Variants in TCF12 observed in about 807,000 individuals in gnomAD.
The protein encoded by TCF12 is DNA-binding protein HTF4.
In TCF12, 45 loss-of-function variants were observed where a neutral mutation model predicts 86.0. The observed-to-expected ratio is 0.52, with a 90% CI of 0.41 to 0.67. TCF12 has a LOEUF of 0.67. TCF12 is among the 30% of genes least tolerant of loss of function. The pLI, the probability that TCF12 is intolerant of heterozygous loss-of-function variation, is 0.00. For missense variants in TCF12, 881 were observed against 859.9 expected (o/e 1.02, Z -0.31); for synonymous variants, 330 against 299.6 (o/e 1.10, Z -1.05).
chr15:57,160,674 G>A (rs1403406910), intron 5 of TCF12, among the ~76,000 whole-genome samples: 7 of 151,344 alleles, frequency 4.6e-5, no homozygotes, highest in Non-Finnish European at 1.0e-4. Flanking sequence ...TAGAGCTTGT[G>A]GGGGTTTTTT....
intron 3 of TCF12, among the ~76,000 whole-genome samples, chr15:57,007,550 T>C (rs952961259): frequency 6.6e-6 from 1 of 152,234 alleles, no homozygotes; most frequent in East Asian, 1.9e-4. Context: ...CTGTTAATAT[T>C]GGACAAGTCA....
intron 3 of TCF12, among the ~76,000 whole-genome samples, chr15:56,941,402 T>C (rs1595775548): frequency 6.6e-6 from 1 of 151,898 alleles, no homozygotes; most frequent in East Asian, 2.0e-4. Context: ...GATGGAGTTT[T>C]GCTGTTGTTG....
intron 3 of TCF12, among the ~76,000 whole-genome samples, chr15:56,971,088 C>T (rs959265480): frequency 6.6e-6 from 1 of 151,982 alleles, no homozygotes; most frequent in African/African-American, 2.4e-5. Context: ...AAACATTTAT[C>T]ACAGAAATAA....
chr15:57,228,389 C>G (rs758024822), intron 8 of TCF12, among the ~76,000 whole-genome samples: 1 of 151,856 alleles, frequency 6.6e-6, no homozygotes, highest in Non-Finnish European at 1.5e-5. Flanking sequence ...ATTTTGAACT[C>G]GTGTTAATAC....
intron 3 of TCF12, among the ~76,000 whole-genome samples, chr15:57,053,170 A>G (rs1596312127): frequency 6.6e-6 from 1 of 152,222 alleles, no homozygotes; most frequent in East Asian, 1.9e-4. Context: ...TCTAACAGGT[A>G]TGAGATTATA....
rs756688219 is a variant in TCF12 at position 57,263,170 on chromosome 15, A to G, written c.1641A>G (p.Lys547=). 4 of 1,613,280 alleles carry G rather than the reference A, an allele frequency of 2.5e-6. No individual in the cohort carries two copies. Among genetic ancestry groups the G allele is most frequent in the Admixed American group, 1.7e-5 (1 of 59,812 alleles). The change falls in exon 18 of 21, where the codon AAA becomes AAG. Residue 547 remains lysine (K), a synonymous_variant. Transcript: ENST00000333725. ...VVTTEIKTEN[K]EKDENLHEPP... ...CAACAGAAATCAAGACTGAAAACAA[A>G]GAAAAGGATGAAAACCTTCATGAAC...
At chr15:57,222,977 A>G (rs762404509) in intron 8 of TCF12, among the ~76,000 whole-genome samples, 3 of 151,728 alleles carry the variant, frequency 2.0e-5, no homozygotes, top group Non-Finnish European at 4.4e-5. Flanking sequence ...CAGAAATCCA[A>G]GTTTTAAAAT....
chr15:57,272,502 G>T (rs1298811295), intron 18 of TCF12, among the ~76,000 whole-genome samples: 1 of 152,224 alleles, frequency 6.6e-6, no homozygotes, highest in African/African-American at 2.4e-5. Flanking sequence ...GTAACCGCCA[G>T]AGTATATTTA....
chr15:56,986,823 G>C (rs2063201635), intron 3 of TCF12, among the ~76,000 whole-genome samples: 1 of 152,102 alleles, frequency 6.6e-6, no homozygotes, highest in Non-Finnish European at 1.5e-5. Context: ...CTATAAAATA[G>C]GTGAATTAAG....
chr15:57,032,805 T>C (rs1394637783), intron 3 of TCF12, among the ~76,000 whole-genome samples: 3 of 152,136 alleles, frequency 2.0e-5, no homozygotes, highest in Admixed American at 2.0e-4. Context: ...AGTTACTTGA[T>C]ATACAAAAGG....
At chr15:57,060,622 G>A (rs545169479) in intron 3 of TCF12, among the ~76,000 whole-genome samples, 7 of 152,130 alleles carry the variant, frequency 4.6e-5, no homozygotes, top group East Asian at 3.9e-4. Context: ...TGTTGAATTC[G>A]CATGCATATA....
intron 3 of TCF12, among the ~76,000 whole-genome samples, chr15:57,009,199 C>T (rs772546458): frequency 1.3e-5 from 2 of 152,110 alleles, no homozygotes; most frequent in African/African-American, 4.8e-5. Flanking sequence ...CCCTCTGCCT[C>T]CAGGGCTCAA....
intron 18 of TCF12, among the ~76,000 whole-genome samples, chr15:57,271,985 T>A (rs563686860): frequency 1.3e-5 from 2 of 152,314 alleles, no homozygotes; most frequent in South Asian, 4.1e-4. Flanking sequence ...CATCCCGTGG[T>A]CCTTGGCAAC....
At chr15:57,056,402 G>A (rs893387304) in intron 3 of TCF12, among the ~76,000 whole-genome samples, 7 of 151,698 alleles carry the variant, frequency 4.6e-5, no homozygotes, top group Non-Finnish European at 8.8e-5. Flanking sequence ...TCAGCCTCCC[G>A]TAGTGCTGGG....
intron 3 of TCF12, among the ~76,000 whole-genome samples, chr15:56,921,465 C>G (rs1200820781): frequency 6.6e-6 from 1 of 151,932 alleles, no homozygotes; most frequent in Non-Finnish European, 1.5e-5. Context: ...GTGATCTTGT[C>G]TTTAAATTTA....
chr15:56,959,318 A>G (rs1362821686), intron 3 of TCF12, among the ~76,000 whole-genome samples: 1 of 152,242 alleles, frequency 6.6e-6, no homozygotes, highest in Non-Finnish European at 1.5e-5. Context: ...TGGAGAGGCT[A>G]CAGCTTTCTA....
At chr15:57,271,584 C>T (rs903542425) in intron 18 of TCF12, among the ~76,000 whole-genome samples, 4 of 152,172 alleles carry the variant, frequency 2.6e-5, no homozygotes, top group African/African-American at 7.2e-5. Context: ...GCTCACCCTC[C>T]GTGGGCTGCA....
In TCF12 at chr15:56,918,827, T is replaced by G. The variant is rs1752160282; in HGVS notation, c.-102T>G. 6.5e-6 allele frequency: 1 copy of G among 154,766 alleles called. No individual in the cohort carries two copies. Among genetic ancestry groups the G allele is most frequent in the Non-Finnish European group, 1.4e-5 (1 of 69,660 alleles). 9.6% of individuals were successfully genotyped at this position (154,766 alleles called of 1,614,324 possible). ...CAAAGTGAACCGAGCCGCTGGGCGG[T>G]GCAAGGGGAAGCCCAAGCCCGTTCT... On this transcript the variant is annotated 5_prime_UTR_variant, in exon 1 of 21. Transcript: ENST00000333725.
intron 3 of TCF12, among the ~76,000 whole-genome samples, chr15:57,036,663 A>G (rs899009613): frequency 3.9e-5 from 6 of 152,024 alleles, no homozygotes; most frequent in Non-Finnish European, 8.8e-5. Context: ...TTGGAGAACT[A>G]TTTTGTTTAT....
Sources: allele counts gnomAD v4.1 joint callset (sites outside exome capture counted in the v4.1 genomes callset), GRCh38; gene constraint gnomAD v4.1.1; transcripts MANE v1.5; gene names NCBI Gene and HGNC (gene_info 2026-07-23, HGNC 2026-07-21).